Variants in SPTAN1 observed in about 807,000 individuals in gnomAD.
SPTAN1 encodes spectrin alpha chain, non-erythrocytic 1.
In SPTAN1, 61 loss-of-function variants were observed where a neutral mutation model predicts 331.3. That is an observed-to-expected ratio of 0.18 (90% CI 0.15 to 0.23). The LOEUF is 0.23. Among genes scored for constraint, SPTAN1 ranks in the 10% least tolerant of loss-of-function variants. The pLI, the probability that SPTAN1 is intolerant of heterozygous loss-of-function variation, is 1.00. For synonymous variants in SPTAN1, 1,153 were observed against 1,173.9 expected (o/e 0.98, Z 0.36); for missense variants, 2,043 against 3,147.9 (o/e 0.65, Z 8.40).
At chr9:128,579,190 T>C (rs1851658755) in intron 9 of SPTAN1, among the ~76,000 whole-genome samples, 1 of 152,198 alleles carries the variant, frequency 6.6e-6, no homozygotes, top group Non-Finnish European at 1.5e-5. Flanking sequence ...TGTGTGTGTT[T>C]CTTTTTGCAA....
rs1852580793 is a variant in SPTAN1 at position 128,586,105 on chromosome 9, T to C, written c.2778+140T>C. 2.6e-5 allele frequency: 18 copies of C among 702,974 alleles called. No homozygotes were observed. In the South Asian group the frequency reaches 2.9e-4, roughly 11 times the overall value. The allele number at this position is 702,974 out of a possible 1,614,324, so 43.5% of individuals were successfully genotyped here. A position where few individuals can be genotyped will look rare whatever the true frequency, so the allele number is the denominator to read the frequency against. On this transcript the variant is annotated intron_variant, in intron 19 of 56. Coordinates refer to ENST00000372739, the MANE Select transcript of SPTAN1 (RefSeq NM_001130438.3). The stretch of plus-strand genomic sequence containing the variant: ...TTTAAAATGTTTTGGAATCCATTTT[T>C]CACTTGGTTTTTTTTTTTTTTTTTT...
chr9:128,577,481 C>T lies in SPTAN1; in HGVS notation c.1060C>T (p.His354Tyr), dbSNP rs1337258120. ...EQIRTLAAER[H>Y]ARLNDSYRLQ... The stretch of plus-strand genomic sequence containing the variant: ...GATCCGCACCTTGGCGGCAGAGAGA[C>T]ATGCACGGCTCAATGATTCATACAG... The change falls in exon 8 of 57, where the codon CAT becomes TAT. Residue 354 changes from histidine to tyrosine, a missense_variant. By Grantham distance (83) the His-to-Tyr change is moderately conservative. This residue lies in a region of SPTAN1 where 1,038 missense variants were observed against 1,531.5 expected (regional missense o/e 0.68). Coordinates refer to ENST00000372739, the MANE Select transcript of SPTAN1 (RefSeq NM_001130438.3). The surrounding 1 kb of genome is among the most constrained non-coding windows in gnomAD (Gnocchi z 4.2). 3.7e-6 allele frequency: 6 copies of T among 1,613,978 alleles called. No homozygotes were observed. The highest frequency in any genetic ancestry group is 5.1e-6 in the Non-Finnish European group (6 of 1,180,058).
intron 1 of SPTAN1, among the ~76,000 whole-genome samples, chr9:128,566,245 A>G (rs1850022900): frequency 6.6e-6 from 1 of 152,054 alleles, no homozygotes; most frequent in African/African-American, 2.4e-5. Flanking sequence ...TTTAGTAGAG[A>G]CGGTGTTTCA....
chr9:128,574,976 G>A (rs574954259), intron 4 of SPTAN1, among the ~76,000 whole-genome samples, 161 bp downstream of exon 4: 115 of 152,196 alleles, frequency 7.6e-4, no homozygotes, highest in Non-Finnish European at 1.6e-3. Flanking sequence ...CTAGGTGTAT[G>A]TGCTATTCTG....
At chr9:128,600,972 G>GTATTTTTTTT (rs1474161366) in intron 27 of SPTAN1, among the ~76,000 whole-genome samples, 1 of 22,228 alleles carries the variant, frequency 4.5e-5, no homozygotes, top group South Asian at 2.8e-3. Context: ...CAGGGAGAAA[G>GTATTTTTTTT]TCTTTTTTTT....
At chr9:128,631,979 C>T (rs1033779156) in intron 52 of SPTAN1, 148 bp from the exon 53 acceptor site, 8 of 764,668 alleles carry the variant, frequency 1.0e-5, no homozygotes, top group African/African-American at 3.5e-5. Context: ...AGCTTCACCC[C>T]ATCCCACTAT....
At chr9:128,589,290 C>CTTTTTTTTTTTT (rs1171749676) in intron 21 of SPTAN1, among the ~76,000 whole-genome samples, 3 of 126,998 alleles carry the variant, frequency 2.4e-5, no homozygotes, top group Non-Finnish European at 4.9e-5. Flanking sequence ...TTTTTCTTTT[C>CTTTTTTTTTTTT]TTTTTTTTTT....
chr9:128,573,441 G>A (rs1371197614), intron 3 of SPTAN1, among the ~76,000 whole-genome samples: 2 of 152,082 alleles, frequency 1.3e-5, no homozygotes, highest in African/African-American at 4.8e-5. Context: ...TGACTTTTCA[G>A]GACCCCATCT....
intron 1 of SPTAN1, among the ~76,000 whole-genome samples, chr9:128,558,173 G>GT (rs1251770448): frequency 6.6e-6 from 1 of 152,130 alleles, no homozygotes; most frequent in Non-Finnish European, 1.5e-5. Flanking sequence ...TGGTAGTATT[G>GT]TAAGAATGCT....
intron 3 of SPTAN1, among the ~76,000 whole-genome samples, chr9:128,570,859 C>G (rs866416863): frequency 6.6e-6 from 1 of 152,030 alleles, no homozygotes; most frequent in South Asian, 2.1e-4. Context: ...CAGGGTTTCT[C>G]CATGTTAGTC....
chr9:128,630,911 G>A (rs1859613027), intron 52 of SPTAN1, among the ~76,000 whole-genome samples: 1 of 152,104 alleles, frequency 6.6e-6, no homozygotes, highest in Non-Finnish European at 1.5e-5. Flanking sequence ...CACCATGTTG[G>A]CCAGGCAGGC....
At chr9:128,610,547 T>G (rs1289527365) in intron 37 of SPTAN1, among the ~76,000 whole-genome samples, 1 of 151,794 alleles carries the variant, frequency 6.6e-6, no homozygotes, top group Non-Finnish European at 1.5e-5. Context: ...CCAACACTAC[T>G]GCCTTTTAGT....
chr9:128,579,660 C>T lies in SPTAN1; in HGVS notation c.1245C>T (p.Asp415=). 6.2e-7 allele frequency: 1 copy of T among 1,614,068 alleles called. No individual in the cohort carries two copies. The highest frequency in any genetic ancestry group is 8.5e-7 in the Non-Finnish European group (1 of 1,179,984). Residue 415 remains aspartate, a synonymous_variant, in exon 10 of 57, where the codon GAC becomes GAT. Coordinates refer to ENST00000372739, the MANE Select transcript of SPTAN1 (RefSeq NM_001130438.3). Reference sequence around the variant, plus strand: ...AGGGTGAAATTGATGCCCATGAAGACAGCTTCAAATCTGCAGATGAATCTG... The same window carrying T: ...AGGGTGAAATTGATGCCCATGAAGATAGCTTCAAATCTGCAGATGAATCTG... The part of the protein sequence containing the change: ...EHKGEIDAHE[D]SFKSADESGQ...
At chr9:128,606,382 A>AAAAAAAAC (rs1316606125) in intron 31 of SPTAN1, among the ~76,000 whole-genome samples, 5 of 142,744 alleles carry the variant, frequency 3.5e-5, no homozygotes, top group African/African-American at 1.5e-4. Context: ...CTCAAAAAAA[A>AAAAAAAAC]AAAAAAAAAA....
Position 128,613,456 on chromosome 9 carries a change from C to T in SPTAN1, c.5119C>T (p.Leu1707=), listed in dbSNP as rs1856787772. 1.9e-6 allele frequency: 3 copies of T among 1,614,118 alleles called. No homozygotes were observed. The African/African-American group carries it at 4.0e-5, about 22-fold the overall frequency. Residue 1707 remains leucine (L), a synonymous_variant, in exon 40 of 57, where the codon CTG becomes TTG. Coordinates refer to ENST00000372739, the MANE Select transcript of SPTAN1 (RefSeq NM_001130438.3). ...GAACAACCTGCTGAAAAAGCATCAA[C>T]TGCTGGAAGCAGATATATCTGCCCA... The part of the protein sequence containing the change: ...SVNNLLKKHQ[L]LEADISAHED...
At chr9:128,583,577 C>G (rs973364031) in intron 15 of SPTAN1, among the ~76,000 whole-genome samples, 6 of 152,090 alleles carry the variant, frequency 3.9e-5, no homozygotes, top group African/African-American at 1.4e-4. Context: ...CTCCAGTGTC[C>G]TTATATCTCA....
Position 128,633,403 on chromosome 9 carries a change from T to A in SPTAN1, c.*69T>A. 6.2e-7 allele frequency: 1 copy of A among 1,608,946 alleles called. No individual in the cohort carries two copies. The highest frequency in any genetic ancestry group is 8.5e-7 in the Non-Finnish European group (1 of 1,178,640). On this transcript the variant is annotated 3_prime_UTR_variant, in exon 57 of 57. Transcript: ENST00000372739. ...GCCTTGCTGCATGTCCGCTCCTCTG[T>A]GTGCTCTCACTTTCCACTGTAACCT...
chr9:128,631,743 C>G (rs1589413673), intron 52 of SPTAN1: 1 of 236,986 alleles, frequency 4.2e-6, no homozygotes, highest in Non-Finnish European at 8.4e-6. Context: ...AGGAGAATCA[C>G]TTGAACCCGG....
chr9:128,554,160 C>A (rs1031524425), intron 1 of SPTAN1, among the ~76,000 whole-genome samples: 1 of 152,086 alleles, frequency 6.6e-6, no homozygotes, highest in Non-Finnish European at 1.5e-5. Context: ...GTAACTGGGC[C>A]AATAATTACT....
Sources: allele counts gnomAD v4.1 joint callset (sites outside exome capture counted in the v4.1 genomes callset), GRCh38; gene constraint gnomAD v4.1.1; regional missense constraint gnomAD v4.1.1; non-coding constraint Gnocchi (gnomAD v3.1); transcripts MANE v1.5; gene names NCBI Gene and HGNC (gene_info 2026-07-23, HGNC 2026-07-21).